Variants in KCNB2 observed in about 807,000 individuals in gnomAD.
KCNB2 encodes the protein delayed rectifier potassium channel protein.
KCNB2 carries 15 observed loss-of-function variants against 61.5 expected under a neutral mutation model. The ratio of observed to expected loss-of-function variants is 0.24; its 90% CI spans 0.16 to 0.38. The LOEUF (loss-of-function observed/expected upper bound fraction) is 0.38. Among genes scored for constraint, KCNB2 ranks in the 10% least tolerant of loss-of-function variants. KCNB2 has a pLI of 1.00. For missense variants in KCNB2, 828 were observed against 1,125.2 expected, an observed-to-expected ratio of 0.74 and a Z score of 3.78; for synonymous variants, 457 against 446.0, an observed-to-expected ratio of 1.02 and a Z score of -0.31.
chr8:72,664,597 G>T (rs1311975548), intron 2 of KCNB2, among the ~76,000 whole-genome samples: 2 of 152,106 alleles, frequency 1.3e-5, no homozygotes, highest in African/African-American at 4.8e-5. Flanking sequence ...TTTCTGATTT[G>T]AAAGATAGAA....
chr8:72,921,887 AAATG>A (rs1457455751), intron 2 of KCNB2, among the ~76,000 whole-genome samples: 1 of 152,194 alleles, frequency 6.6e-6, no homozygotes, highest in Non-Finnish European at 1.5e-5. Flanking sequence ...TCTCCTTTTC[AAATG>A]ACATTAGATT....
intron 2 of KCNB2, among the ~76,000 whole-genome samples, chr8:72,711,939 C>T (rs1378222659): frequency 6.6e-6 from 1 of 152,192 alleles, no homozygotes; most frequent in Non-Finnish European, 1.5e-5. Context: ...CTGCAGTGAG[C>T]TGAGATCACA....
intron 1 of KCNB2, among the ~76,000 whole-genome samples, chr8:72,565,470 G>A (rs1806609443): frequency 6.6e-6 from 1 of 152,078 alleles, no homozygotes; most frequent in Admixed American, 6.6e-5. Flanking sequence ...ATTAAAGGTG[G>A]TATTTTGGAT....
chr8:72,548,121 T>G (rs1806287200), intron 1 of KCNB2, among the ~76,000 whole-genome samples: 1 of 152,202 alleles, frequency 6.6e-6, no homozygotes, highest in South Asian at 2.1e-4. Flanking sequence ...GGTATGAACA[T>G]TTTTAATCGA....
chr8:72,769,466 A>G (rs1376165499), intron 2 of KCNB2, among the ~76,000 whole-genome samples: 1 of 152,218 alleles, frequency 6.6e-6, no homozygotes, highest in Non-Finnish European at 1.5e-5. Context: ...ATGCACAGAC[A>G]AAACTGAAAC....
intron 2 of KCNB2, among the ~76,000 whole-genome samples, chr8:72,813,233 C>T (rs1463816098): frequency 1.3e-5 from 2 of 152,152 alleles, no homozygotes; most frequent in Non-Finnish European, 2.9e-5. Flanking sequence ...TGGTGATTCT[C>T]ATGAGAAGGG....
At chr8:72,714,814 TAACC>T (rs1807398830) in intron 2 of KCNB2, among the ~76,000 whole-genome samples, 1 of 152,104 alleles carries the variant, frequency 6.6e-6, no homozygotes, top group Admixed American at 6.5e-5. Flanking sequence ...ATAACAATAC[TAACC>T]TTAAATGTAA....
intron 2 of KCNB2, among the ~76,000 whole-genome samples, chr8:72,638,384 A>T (rs965210581): frequency 6.6e-6 from 1 of 152,162 alleles, no homozygotes; most frequent in Non-Finnish European, 1.5e-5. Flanking sequence ...CTCTAATCCC[A>T]GGGGCTATTT....
intron 2 of KCNB2, among the ~76,000 whole-genome samples, chr8:72,616,356 G>A (rs1342953192): frequency 1.3e-5 from 2 of 152,192 alleles, no homozygotes. Context: ...ACAAAACAGT[G>A]TCACATATAA....
chr8:72,720,126 G>T (rs1473449496), intron 2 of KCNB2, among the ~76,000 whole-genome samples: 2 of 152,118 alleles, frequency 1.3e-5, no homozygotes, highest in Non-Finnish European at 2.9e-5. Context: ...TATTTATGCT[G>T]TCTTCTTCAG....
chr8:72,801,511 C>T (rs966776613), intron 2 of KCNB2, among the ~76,000 whole-genome samples: 2 of 152,126 alleles, frequency 1.3e-5, no homozygotes, highest in Non-Finnish European at 2.9e-5. Context: ...TTCCACCATA[C>T]CTAATTTTTT....
intron 2 of KCNB2, among the ~76,000 whole-genome samples, chr8:72,630,316 A>G (rs1805859323): frequency 2.6e-5 from 4 of 152,218 alleles, no homozygotes; most frequent in Non-Finnish European, 4.4e-5. Flanking sequence ...TAAAATTCAC[A>G]TAATTACTGA....
At chr8:72,543,607 T>G (rs540955521) in intron 1 of KCNB2, among the ~76,000 whole-genome samples, 2 of 152,218 alleles carry the variant, frequency 1.3e-5, no homozygotes, top group African/African-American at 2.4e-5. Flanking sequence ...GATAGCACCT[T>G]CTATCATTCC....
In KCNB2 at chr8:72,861,684, C is replaced by T. The variant is rs1019952300; in HGVS notation, c.580-74251C>T. Among the ~76,000 whole-genome samples, 7 of 152,306 alleles carry T rather than the reference C, an allele frequency of 4.6e-5. No homozygotes were observed. In the East Asian group the frequency reaches 7.7e-4, roughly 17 times the overall value. ...AAACGTTCCCTGCCAAAAGGAAATTCTCAATCGGCCTGCCTGACCAGAAAA... is the reference window on the plus strand; with the variant it reads ...AAACGTTCCCTGCCAAAAGGAAATTTTCAATCGGCCTGCCTGACCAGAAAA... On this transcript the variant is annotated intron_variant, in intron 2 of 2. Coordinates refer to ENST00000523207, the MANE Select transcript of KCNB2 (RefSeq NM_004770.3).
chr8:72,588,907 C>T (rs184544820), intron 2 of KCNB2, among the ~76,000 whole-genome samples: 1 of 151,994 alleles, frequency 6.6e-6, no homozygotes, highest in African/African-American at 2.4e-5. Context: ...AAAACAAGAA[C>T]AACAACAAAG....
intron 2 of KCNB2, among the ~76,000 whole-genome samples, chr8:72,628,404 T>G (rs1287095446): frequency 3.0e-4 from 7 of 23,586 alleles, no homozygotes; most frequent in African/African-American, 4.7e-4. Context: ...TTAGGGGGTG[T>G]GTGTGTGTGT....
At chr8:72,848,433 GAAT>G (rs1056932695) in intron 2 of KCNB2, among the ~76,000 whole-genome samples, 12 of 151,794 alleles carry the variant, frequency 7.9e-5, no homozygotes, top group African/African-American at 2.7e-4. Flanking sequence ...TATTTGTAAA[GAAT>G]AATAATAAAT....
At chr8:72,929,258 G>T (rs1468532997) in intron 2 of KCNB2, among the ~76,000 whole-genome samples, 2 of 152,150 alleles carry the variant, frequency 1.3e-5, no homozygotes, top group Non-Finnish European at 2.9e-5. Context: ...AAATCAACAA[G>T]CTGGTTCAAT....
At chr8:72,591,599 C>G (rs925334153) in intron 2 of KCNB2, among the ~76,000 whole-genome samples, 2 of 152,094 alleles carry the variant, frequency 1.3e-5, no homozygotes, top group Non-Finnish European at 2.9e-5. Flanking sequence ...ATTTCTGGAT[C>G]CATTCCTTAT....
Sources: allele counts gnomAD v4.1 joint callset (sites outside exome capture counted in the v4.1 genomes callset), GRCh38; gene constraint gnomAD v4.1.1; transcripts MANE v1.5; gene names NCBI Gene and HGNC (gene_info 2026-07-23, HGNC 2026-07-21).